The following GABRA2 variants were observed in gnomAD, a reference collection of about 807,000 sequenced individuals.
The protein encoded by GABRA2 is gamma-aminobutyric acid receptor subunit alpha-2.
A neutral mutation model predicts 48.7 loss-of-function variants in GABRA2; 16 were observed. That is an observed-to-expected ratio of 0.33 (90% confidence interval 0.22 to 0.50). GABRA2 has a LOEUF of 0.50. Among genes scored for constraint, GABRA2 ranks in the 20% least tolerant of loss-of-function variants. The probability of loss-of-function intolerance (pLI) is 0.98; values close to 1 mark genes in which losing one functional copy is unlikely to be tolerated. For missense variants in GABRA2, 275 were observed against 535.6 expected, an observed-to-expected ratio of 0.51 and a Z score of 4.80; for synonymous variants, 185 against 184.5, an observed-to-expected ratio of 1.00 and a Z score of -0.02.
chr4:46,263,205 A>G (rs965486687), intron 8 of GABRA2, among the ~76,000 whole-genome samples: 2 of 152,148 alleles, frequency 1.3e-5, no homozygotes, highest in African/African-American at 2.4e-5. Context: ...AAGCAGTATT[A>G]TCATCAAAAT....
intron 3 of GABRA2, chr4:46,368,718 T>C: frequency 2.6e-6 from 1 of 378,936 alleles, no homozygotes; most frequent in Non-Finnish European, 4.7e-6. Flanking sequence ...AAATGAAAAT[T>C]GGTTGACCTT....
intron 8 of GABRA2, among the ~76,000 whole-genome samples, chr4:46,268,402 T>G (rs569009786): frequency 1.3e-5 from 2 of 151,770 alleles, no homozygotes; most frequent in Non-Finnish European, 2.9e-5. Flanking sequence ...AAGATATTCC[T>G]CAAGGGAAGA....
At chr4:46,325,572 T>G (rs930334213) in intron 4 of GABRA2, among the ~76,000 whole-genome samples, 2 of 152,056 alleles carry the variant, frequency 1.3e-5, no homozygotes, top group African/African-American at 4.8e-5. Context: ...AGAAGCTTTT[T>G]AGTTTAGTTA....
intron 8 of GABRA2, among the ~76,000 whole-genome samples, chr4:46,265,579 T>G (rs1348468268): frequency 6.7e-6 from 1 of 150,222 alleles, no homozygotes; most frequent in Non-Finnish European, 1.5e-5. Context: ...TCTTTTTTTC[T>G]TGGTCATTGT....
intron 8 of GABRA2, among the ~76,000 whole-genome samples, chr4:46,276,403 A>G (rs751207085): frequency 6.6e-6 from 1 of 152,130 alleles, no homozygotes; most frequent in South Asian, 2.1e-4. Flanking sequence ...TAGTTGTTGT[A>G]GTATCATCTG....
intron 4 of GABRA2, among the ~76,000 whole-genome samples, chr4:46,327,677 A>C (rs1469914622): frequency 6.6e-6 from 1 of 152,034 alleles, no homozygotes; most frequent in Admixed American, 6.6e-5. Flanking sequence ...TAACTACTGA[A>C]CTAATTAATA....
At chr4:46,382,648 C>T (rs1166876628) in intron 3 of GABRA2, among the ~76,000 whole-genome samples, 1 of 152,104 alleles carries the variant, frequency 6.6e-6, no homozygotes, top group Non-Finnish European at 1.5e-5. Context: ...AAATATGTTA[C>T]TCAATATATT....
intron 8 of GABRA2, among the ~76,000 whole-genome samples, chr4:46,285,041 A>T (rs1267124861): frequency 6.6e-6 from 1 of 151,424 alleles, no homozygotes; most frequent in Non-Finnish European, 1.5e-5. Context: ...AAAAAAAAAA[A>T]AAAACCTCAG....
At chr4:46,377,398 G>T (rs1190388917) in intron 3 of GABRA2, among the ~76,000 whole-genome samples, 1 of 151,634 alleles carries the variant, frequency 6.6e-6, no homozygotes, top group Non-Finnish European at 1.5e-5. Context: ...CCCCGTCCGG[G>T]ATGTGAGGAG....
chr4:46,307,328 T>A (rs1726869920), intron 6 of GABRA2, among the ~76,000 whole-genome samples: 1 of 151,930 alleles, frequency 6.6e-6, no homozygotes, highest in African/African-American at 2.4e-5. Context: ...ATTCTGGCGC[T>A]CTCTTCAATA....
chr4:46,294,598 A>G (rs1461172191), intron 8 of GABRA2, among the ~76,000 whole-genome samples: 1 of 152,176 alleles, frequency 6.6e-6, no homozygotes, highest in African/African-American at 2.4e-5. Flanking sequence ...CTTGGGCCAT[A>G]TGACCTAGCA....
At chr4:46,363,585 G>C (rs1204091369) in intron 3 of GABRA2, 1 of 152,084 alleles carries the variant, frequency 6.6e-6, no homozygotes, top group East Asian at 1.9e-4. Flanking sequence ...GCAATGAAAG[G>C]CTTAAGGAAA....
intron 8 of GABRA2, among the ~76,000 whole-genome samples, chr4:46,296,593 A>C (rs1724731136): frequency 6.7e-6 from 1 of 149,078 alleles, no homozygotes; most frequent in Admixed American, 6.9e-5. Context: ...ATAACAACCC[A>C]ATCCAGGACT....
Position 46,246,343 on chromosome 4 carries a change from A to G in GABRA2, c.*3965T>C, listed in dbSNP as rs1713711885. Among the ~76,000 whole-genome samples the G allele has an allele frequency of 6.6e-6, 1 of 151,018 alleles. No individual in the cohort carries two copies. Among genetic ancestry groups the G allele is most frequent in the South Asian group, 2.1e-4 (1 of 4,830 alleles). Reference sequence around the variant, plus strand: ...TGGATATTAAATAATTATGTTAAATATTTACTTTAATTTTTAGAGCATGAA... The same window carrying G: ...TGGATATTAAATAATTATGTTAAATGTTTACTTTAATTTTTAGAGCATGAA... On this transcript the variant is annotated 3_prime_UTR_variant, in exon 10 of 10. Coordinates refer to ENST00000381620, the MANE Select transcript of GABRA2 (RefSeq NM_000807.4).
chr4:46,357,642 G>C (rs1322522564), intron 3 of GABRA2, among the ~76,000 whole-genome samples: 2 of 149,960 alleles, frequency 1.3e-5, no homozygotes, highest in Non-Finnish European at 3.0e-5. Context: ...CCTTTGTGAA[G>C]CTTTTTTATT....
At chr4:46,261,659 A>G in intron 9 of GABRA2, 1 of 552,764 alleles carries the variant, frequency 1.8e-6, no homozygotes, top group Non-Finnish European at 3.2e-6. Flanking sequence ...TGCTATAAAG[A>G]TTATGTGAGA....
At chr4:46,321,291 T>C (rs1200639104) in intron 4 of GABRA2, among the ~76,000 whole-genome samples, 1 of 151,866 alleles carries the variant, frequency 6.6e-6, no homozygotes, top group South Asian at 2.1e-4. Flanking sequence ...CTTAGATACA[T>C]AGGATGAATG....
chr4:46,303,728 T>C (rs1244595177), intron 7 of GABRA2, 116 bp from the exon 8 acceptor site: 2 of 792,878 alleles, frequency 2.5e-6, no homozygotes, highest in Admixed American at 2.9e-5. Context: ...ATATATCACA[T>C]ACATGTCAGG....
intron 8 of GABRA2, among the ~76,000 whole-genome samples, chr4:46,301,682 C>T (rs1380647899): frequency 1.3e-5 from 2 of 152,208 alleles, no homozygotes; most frequent in Non-Finnish European, 2.9e-5. Context: ...GCCACTTACT[C>T]AGCTCTAGGA....
Sources: allele counts gnomAD v4.1 joint callset (sites outside exome capture counted in the v4.1 genomes callset), GRCh38; gene constraint gnomAD v4.1.1; transcripts MANE v1.5; gene names NCBI Gene and HGNC (gene_info 2026-07-23, HGNC 2026-07-21).